SUV39H1: variants seen among roughly 807,000 people sequenced by gnomAD.
SUV39H1 encodes the protein histone-lysine N-methyltransferase SUV39H1.
For synonymous variants in SUV39H1, 141 were observed against 150.5 expected (o/e 0.94, Z 0.46); for missense variants, 180 against 386.3 (o/e 0.47, Z 4.48).
chrX:48,698,475 G>A (rs965023934), intron 1 of SUV39H1, among the ~76,000 whole-genome samples: 5 of 111,515 alleles, frequency 4.5e-5, no homozygotes, highest in Admixed American at 2.9e-4. Context: ...TGCCCTGGAG[G>A]TTTTAATCTT....
chrX:48,702,468 A>C (rs1225397762), intron 3 of SUV39H1, among the ~76,000 whole-genome samples: 1 of 111,199 alleles, frequency 9.0e-6, no homozygotes, highest in African/African-American at 3.3e-5. Context: ...CATGCCCTCA[A>C]TGTCCTGACG....
At chrX:48,697,081 A>G (rs1314212684) in intron 1 of SUV39H1, among the ~76,000 whole-genome samples, 2 of 108,941 alleles carry the variant, frequency 1.8e-5, no homozygotes. Context: ...CGGCGCGCGC[A>G]CGCGCGGGGG....
At chrX:48,700,912 T>A in intron 3 of SUV39H1, 159 bp downstream of exon 3, 1 of 652,889 alleles carries the variant, frequency 1.5e-6, no homozygotes, top group Non-Finnish European at 2.4e-6. Flanking sequence ...GGGCAGGGGC[T>A]AGTATTCCAA....
intron 3 of SUV39H1, chrX:48,705,422 T>C (rs2062487701): frequency 8.8e-6 from 1 of 114,047 alleles, no homozygotes. Flanking sequence ...GAGGCTGCCG[T>C]TGCTGGCCTC....
intron 3 of SUV39H1, 98 bp downstream of exon 3, chrX:48,700,851 T>C: frequency 1.9e-6 from 2 of 1,032,792 alleles, no homozygotes; most frequent in Non-Finnish European, 2.6e-6. Flanking sequence ...AACTCCCTGC[T>C]TTCCCTATGG....
Position 48,705,002 on chromosome X carries a change from G to A in SUV39H1, c.829-1263G>A, listed in dbSNP as rs142608071. ...CACGGGGCAGTGGGTAGTGTGGCCC[G>A]AGGCAGGGTAAATCTTGGTTTCCTC... On this transcript the variant is annotated intron_variant, in intron 3 of 5. Transcript: ENST00000376687. 2.8e-4 allele frequency among the ~76,000 whole-genome samples: 32 copies of A among 112,355 alleles called. No homozygotes were observed. In the East Asian group the frequency reaches 7.3e-3, roughly 26 times the overall value.
At chrX:48,700,818 G>A (rs782001954) in intron 3 of SUV39H1, 65 bp downstream of exon 3, 13 of 1,134,068 alleles carry the variant, frequency 1.1e-5, no homozygotes, top group African/African-American at 7.2e-5. Context: ...GTGTGCACCC[G>A]GCTCTCCTCA....
chrX:48,696,557 C>T, upstream of SUV39H1: 1 of 340,497 alleles, frequency 2.9e-6, no homozygotes, highest in Admixed American at 6.7e-5. Context: ...CGCTGTCGCT[C>T]CCGCTGCCGC....
chrX:48,707,246 C>A (rs782555310), intron 5 of SUV39H1, among the ~76,000 whole-genome samples, 191 bp from the exon 6 acceptor site: 2 of 110,583 alleles, frequency 1.8e-5, no homozygotes, highest in Non-Finnish European at 3.8e-5. Context: ...ACCCTAAGAT[C>A]TCCCAACTCA....
chrX:48,696,685 G>A, upstream of SUV39H1: 1 of 1,069,315 alleles, frequency 9.4e-7, no homozygotes, highest in Non-Finnish European at 1.2e-6. Flanking sequence ...GCTGCGAGTC[G>A]GGAGCCGCGG....
rs949698219 is a variant in SUV39H1 at position 48,701,232 on chromosome X, T to C, written c.828+479T>C. ...GGATGAGACATGCCTTGGACAAAGG[T>C]TGGCTAACTCCTTTAGACTTTCAGG... On this transcript the variant is annotated intron_variant, in intron 3 of 5. Transcript: ENST00000376687. Among the ~76,000 whole-genome samples the C allele has an allele frequency of 4.5e-4, 50 of 112,002 alleles. 2 individuals are homozygous for C. In the Admixed American group the frequency reaches 4.5e-3, roughly 10 times the overall value.
chrX:48,695,939 T>G, upstream of SUV39H1: 2 of 1,127,399 alleles, frequency 1.8e-6, no homozygotes, highest in Non-Finnish European at 1.2e-6. Context: ...AGCTGGATGT[T>G]GTGACTGATC....
At chrX:48,696,692 G>A, upstream of SUV39H1, 1 of 1,085,516 alleles carries the variant, frequency 9.2e-7, no homozygotes, top group Non-Finnish European at 1.2e-6. Flanking sequence ...GTCGGGAGCC[G>A]CGGCCAATAG....
chrX:48,696,537 T>C (rs1557008595), upstream of SUV39H1: 1 of 309,407 alleles, frequency 3.2e-6, no homozygotes. Context: ...CTGGCAACTT[T>C]AGCTACCGCC....
intron 3 of SUV39H1, 41 bp downstream of exon 3, chrX:48,700,794 A>G: frequency 8.4e-7 from 1 of 1,186,038 alleles, no homozygotes; most frequent in Non-Finnish European, 1.1e-6. Flanking sequence ...AGCTCTTCCC[A>G]CCCTGTGTTC....
Position 48,707,974 on chromosome X carries a change from G to A in SUV39H1, c.*404G>A, listed in dbSNP as rs1463886150. 7 of 242,264 alleles carry A rather than the reference G, an allele frequency of 2.9e-5. No homozygotes were observed. The highest frequency in any genetic ancestry group is 5.5e-5 in the Admixed American group (1 of 18,322). 20.0% of individuals were successfully genotyped at this position (242,264 alleles called of 1,213,427 possible). A position where few individuals can be genotyped will look rare whatever the true frequency, so the allele number is the denominator to read the frequency against. On this transcript the variant is annotated 3_prime_UTR_variant, in exon 6 of 6. Transcript: ENST00000376687. ...CAGGCCTCCTCCCTGCTGCCCCAAA[G>A]GTATGGGGAAGCAACCCCAGAGCAG... is the stretch of plus-strand genomic sequence containing the variant.
At chrX:48,703,856 G>A (rs1030342905) in intron 3 of SUV39H1, among the ~76,000 whole-genome samples, 12 of 111,222 alleles carry the variant, frequency 1.1e-4, no homozygotes, top group Non-Finnish European at 1.3e-4. Context: ...TTCTGCAGAT[G>A]AGAAAACTGA....
intron 1 of SUV39H1, among the ~76,000 whole-genome samples, chrX:48,697,875 C>A (rs1241388822): frequency 8.9e-6 from 1 of 112,072 alleles, no homozygotes; most frequent in Non-Finnish European, 1.9e-5. Flanking sequence ...GTGTGTCTTA[C>A]AAAATTTTGG....
intron 2 of SUV39H1, 81 bp from the exon 3 acceptor site, chrX:48,700,010 T>C: frequency 1.1e-6 from 1 of 890,953 alleles, no homozygotes; most frequent in Non-Finnish European, 1.6e-6. Flanking sequence ...ATCCATCAGC[T>C]TTGGGATGGA....
Sources: gnomAD v4.1 joint callset for allele counts (sites outside exome capture counted in the v4.1 genomes callset) on GRCh38, gnomAD v4.1.1 for gene constraint, MANE v1.5 for transcripts, NCBI Gene and HGNC (gene_info 2026-07-23, HGNC 2026-07-21) for gene names.